Variants in CAMK2G observed in about 807,000 individuals in gnomAD.
CAMK2G encodes calcium/calmodulin dependent protein kinase II gamma.
In CAMK2G, 23 loss-of-function variants were observed where a neutral mutation model predicts 88.7. The ratio of observed to expected loss-of-function variants is 0.26; its 90% CI spans 0.19 to 0.37. The LOEUF (loss-of-function observed/expected upper bound fraction) is 0.37, where lower values mean the gene tolerates loss of function less well. Among genes scored for constraint, CAMK2G ranks in the 10% least tolerant of loss-of-function variants. The pLI is 1.00. For missense variants in CAMK2G, 476 were observed against 780.8 expected, an observed-to-expected ratio of 0.61 and a Z score of 4.65; for synonymous variants, 263 against 294.8, an observed-to-expected ratio of 0.89 and a Z score of 1.11.
In CAMK2G at chr10:73,841,922, A is replaced by G. The variant is rs531634144; in HGVS notation, c.946+247T>C. 481 of 538,616 alleles carry G rather than the reference A, an allele frequency of 8.9e-4. 2 individuals are homozygous for G. Among genetic ancestry groups the G allele is most frequent in the African/African-American group, 8.6e-3 (452 of 52,584 alleles). The allele number at this position is 538,616 out of a possible 1,614,324, so 33.4% of individuals were successfully genotyped here. A position where few individuals can be genotyped will look rare whatever the true frequency, so the allele number is the denominator to read the frequency against. On this transcript the variant is annotated intron_variant, in intron 12 of 22. Coordinates refer to ENST00000423381, the MANE Select transcript of CAMK2G (RefSeq NM_001367534.1). The stretch of plus-strand genomic sequence containing the variant: ...ATAAGAATCCAGAGAAACAAGGTAC[A>G]TAGCAAGTTGGGCAGGCTACTCCTT...
intron 2 of CAMK2G, among the ~76,000 whole-genome samples, chr10:73,871,735 T>C (rs1217428752): frequency 6.6e-6 from 1 of 151,188 alleles, no homozygotes; most frequent in Non-Finnish European, 1.5e-5. Context: ...TTATAGGCAA[T>C]GTACACGAAC....
At chr10:73,864,294 C>CA (rs1039472245) in intron 2 of CAMK2G, among the ~76,000 whole-genome samples, 83 of 133,456 alleles carry the variant, frequency 6.2e-4, no homozygotes, top group African/African-American at 9.5e-4. Flanking sequence ...CAGAGCAAGT[C>CA]AAAAAAAAAA....
chr10:73,817,464 T>C lies in CAMK2G; in HGVS notation c.1439+15A>G. 3 of 1,560,702 alleles carry C rather than the reference T, an allele frequency of 1.9e-6. No homozygotes were observed. Among genetic ancestry groups the C allele is most frequent in the Middle Eastern group, 3.4e-4 (2 of 5,962 alleles). ...AGATGACTTAGGTCACAAAAAAAAA[T>C]GGGTCTCTACTTACGTGTAGGCCTC... On this transcript the variant is annotated intron_variant, in intron 20 of 22. Transcript: ENST00000423381.
rs2134836010 is a variant in CAMK2G, at chr10:73,848,534, C to T, written c.593G>A (p.Trp198Ter). The T allele has an allele frequency of 6.2e-7, 1 of 1,610,850 alleles. No homozygotes were observed. Among genetic ancestry groups the T allele is most frequent in the Non-Finnish European group, 8.5e-7 (1 of 1,177,558 alleles). The change falls in exon 8 of 23, where the codon TGG becomes TAG. Residue 198 changes from tryptophan (W) to a stop codon, truncating the protein, a stop_gained. Coordinates refer to ENST00000423381, the MANE Select transcript of CAMK2G (RefSeq NM_001367534.1). LOFTEE classifies it high-confidence loss of function. The surrounding 1 kb of genome is among the most constrained non-coding windows in gnomAD (Gnocchi z 4.5). ...KDPYGKPVDI[W>*]ACGVILYILL... Reference sequence around the variant, plus strand: ...GCGTGGAATGGGCTTACCGCAGGCCCAGATATCCACAGGTTTTCCATAGGG... The same window carrying T: ...GCGTGGAATGGGCTTACCGCAGGCCTAGATATCCACAGGTTTTCCATAGGG...
chr10:73,866,813 AGGGAT>A (rs1223020507), intron 2 of CAMK2G, among the ~76,000 whole-genome samples: 1 of 152,122 alleles, frequency 6.6e-6, no homozygotes, highest in Non-Finnish European at 1.5e-5. Flanking sequence ...AGGACATCGC[AGGGAT>A]TTGATGTCAT....
chr10:73,821,320 T>C (rs1177763422), intron 18 of CAMK2G, among the ~76,000 whole-genome samples: 1 of 152,074 alleles, frequency 6.6e-6, no homozygotes, highest in African/African-American at 2.4e-5. Flanking sequence ...GATTGGTCAC[T>C]CTATTTATGA....
At chr10:73,864,020 A>G (rs2095489290) in intron 2 of CAMK2G, among the ~76,000 whole-genome samples, 1 of 152,052 alleles carries the variant, frequency 6.6e-6, no homozygotes. Context: ...AAGCTATTAA[A>G]CCCACCCGAG....
At chr10:73,870,109 TAA>T (rs958268170) in intron 2 of CAMK2G, among the ~76,000 whole-genome samples, 1 of 152,080 alleles carries the variant, frequency 6.6e-6, no homozygotes, top group Non-Finnish European at 1.5e-5. Flanking sequence ...GATTTAAAAA[TAA>T]AAAAAGACAT....
At chr10:73,819,156 AAC>A (rs1420570257) in intron 19 of CAMK2G, among the ~76,000 whole-genome samples, 2 of 152,018 alleles carry the variant, frequency 1.3e-5, no homozygotes, top group Non-Finnish European at 2.9e-5. Context: ...CTACATCCCC[AAC>A]ACAGTTCCTC....
intron 18 of CAMK2G, among the ~76,000 whole-genome samples, chr10:73,820,005 C>T (rs1056794618): frequency 1.3e-5 from 2 of 152,176 alleles, no homozygotes; most frequent in African/African-American, 2.4e-5. Flanking sequence ...CCAGCAGTGC[C>T]GGAATCAAAA....
At chr10:73,815,845 T>C (rs2085277024) in intron 21 of CAMK2G, 2 of 985,588 alleles carry the variant, frequency 2.0e-6, no homozygotes, top group South Asian at 9.4e-5. Context: ...GCAAAAGAAG[T>C]TGGATTGCCA....
intron 13 of CAMK2G, among the ~76,000 whole-genome samples, chr10:73,838,422 A>G (rs1342441900): frequency 3.3e-5 from 5 of 152,212 alleles, no homozygotes; most frequent in Non-Finnish European, 7.3e-5. Flanking sequence ...TTCTTTATCT[A>G]TAAAATGGGA....
intron 13 of CAMK2G, among the ~76,000 whole-genome samples, chr10:73,838,134 TC>T (rs1737548390): frequency 1.3e-5 from 2 of 152,202 alleles, no homozygotes; most frequent in Non-Finnish European, 2.9e-5. Context: ...CAGGAAGGAC[TC>T]GGCAGAATAA....
intron 3 of CAMK2G, among the ~76,000 whole-genome samples, chr10:73,855,809 G>C (rs1277628495): frequency 6.6e-6 from 1 of 152,378 alleles, no homozygotes; most frequent in East Asian, 1.9e-4. Context: ...AGGAGGGATG[G>C]AGGAAGCTGT....
chr10:73,824,582 G>A (rs779578750), intron 16 of CAMK2G, among the ~76,000 whole-genome samples: 3 of 152,182 alleles, frequency 2.0e-5, no homozygotes, highest in African/African-American at 7.2e-5. Flanking sequence ...CACTGCGCCC[G>A]CCTTCTGCCT....
chr10:73,873,308 C>T, intron 1 of CAMK2G: 1 of 1,345,790 alleles, frequency 7.4e-7, no homozygotes, highest in South Asian at 1.5e-5. Flanking sequence ...CTCCCACCCC[C>T]TCATCCAGTC....
At chr10:73,829,120 G>A (rs10824037) in intron 14 of CAMK2G, among the ~76,000 whole-genome samples, 23,893 of 151,972 alleles carry the variant, frequency 0.16, 2,096 homozygotes, top group South Asian at 0.23. Context: ...GCCCTCAAGC[G>A]GCCAGCATTC....
intron 3 of CAMK2G, among the ~76,000 whole-genome samples, chr10:73,857,091 AG>A (rs1054806798): frequency 2.6e-5 from 4 of 152,154 alleles, no homozygotes; most frequent in African/African-American, 7.2e-5. Context: ...CCATGGGGGC[AG>A]GGATGTAGGA....
chr10:73,865,839 C>G (rs1387787546), intron 2 of CAMK2G, among the ~76,000 whole-genome samples: 2 of 152,118 alleles, frequency 1.3e-5, no homozygotes, highest in Non-Finnish European at 2.9e-5. Context: ...CTCCACGCAC[C>G]TTTCTACCAG....
Sources: gnomAD v4.1 joint callset for allele counts (sites outside exome capture counted in the v4.1 genomes callset) on GRCh38, gnomAD v4.1.1 for gene constraint, Gnocchi (gnomAD v3.1) non-coding constraint, MANE v1.5 for transcripts, NCBI Gene and HGNC (gene_info 2026-07-23, HGNC 2026-07-21) for gene names.